The following GEMIN7 variants were observed in gnomAD, a reference collection of about 807,000 sequenced individuals.
The protein encoded by GEMIN7 is gem-associated protein 7.
In GEMIN7, 7 loss-of-function variants were observed where a neutral mutation model predicts 7.8. That is an observed-to-expected ratio of 0.90 (90% confidence interval 0.51 to 1.69). The LOEUF is 1.69. GEMIN7 is among the 40% of genes most tolerant of loss of function. The pLI, the probability that GEMIN7 is intolerant of heterozygous loss-of-function variation, is 0.00. For missense variants in GEMIN7, 159 were observed against 176.2 expected, an observed-to-expected ratio of 0.90 and a Z score of 0.55; for synonymous variants, 68 against 72.4, an observed-to-expected ratio of 0.94 and a Z score of 0.31.
chr19:45,087,738 A>G (rs1022334306), intron 2 of GEMIN7, among the ~76,000 whole-genome samples: 1 of 151,940 alleles, frequency 6.6e-6, no homozygotes, highest in African/African-American at 2.4e-5. Context: ...GAGGAGGGAT[A>G]TGATCTGACT....
At chr19:45,084,093 C>A (rs1181840818) in intron 2 of GEMIN7, among the ~76,000 whole-genome samples, 2 of 151,582 alleles carry the variant, frequency 1.3e-5, no homozygotes, top group Non-Finnish European at 2.9e-5. Flanking sequence ...CACCTGTAAT[C>A]CCAGCTACTT....
chr19:45,080,768 T>TG (rs1258362508), intron 2 of GEMIN7, among the ~76,000 whole-genome samples: 4 of 149,384 alleles, frequency 2.7e-5, no homozygotes, highest in Admixed American at 2.7e-4. Context: ...GTTTTTTGTT[T>TG]TTTTTTTTTT....
intron 2 of GEMIN7, among the ~76,000 whole-genome samples, chr19:45,087,033 G>C (rs888182876): frequency 6.6e-6 from 1 of 152,010 alleles, no homozygotes; most frequent in African/African-American, 2.4e-5. Flanking sequence ...TCTTAGTAGA[G>C]ACGGGGTTTC....
chr19:45,076,456 C>G, upstream of GEMIN7: 2 of 1,060,510 alleles, frequency 1.9e-6, no homozygotes, highest in East Asian at 3.5e-5. The surrounding 1 kb of genome is among the most constrained non-coding windows in gnomAD (Gnocchi z 4.9). Context: ...ACGCGCGGAC[C>G]GTGCGCGCTC....
chr19:45,081,456 TA>T (rs770031956), intron 2 of GEMIN7, among the ~76,000 whole-genome samples: 2,656 of 130,892 alleles, frequency 0.02, 25 homozygotes, highest in African/African-American at 0.041. Flanking sequence ...GACTCCGTCT[TA>T]AAAAAAAAAA....
At chr19:45,090,003 A>C in intron 2 of GEMIN7, 104 bp from the exon 3 acceptor site, 1 of 1,194,206 alleles carries the variant, frequency 8.4e-7, no homozygotes. Context: ...GGGCAGGTGC[A>C]GTGGAGCTGC....
At chr19:45,081,861 G>C (rs1465596668) in intron 2 of GEMIN7, among the ~76,000 whole-genome samples, 4 of 152,048 alleles carry the variant, frequency 2.6e-5, no homozygotes, top group Non-Finnish European at 5.9e-5. Flanking sequence ...GACCTCAGGC[G>C]ATCTACCCAC....
At chr19:45,087,164 GAT>G (rs1034227462) in intron 2 of GEMIN7, among the ~76,000 whole-genome samples, 13 of 149,028 alleles carry the variant, frequency 8.7e-5, no homozygotes, top group African/African-American at 3.2e-4. Flanking sequence ...TTGTTTTTGA[GAT>G]AGAGTATTGC....
At chr19:45,078,167 C>T (rs1382271256), upstream of GEMIN7, among the ~76,000 whole-genome samples, 3 of 144,624 alleles carry the variant, frequency 2.1e-5, no homozygotes, top group African/African-American at 5.2e-5. Context: ...AGTGGCACGA[C>T]CTCAGCTCAC....
chr19:45,083,535 G>A (rs374243088), intron 2 of GEMIN7, among the ~76,000 whole-genome samples: 31 of 151,658 alleles, frequency 2.0e-4, no homozygotes, highest in South Asian at 6.3e-4. Flanking sequence ...TGCAGAGTGG[G>A]TGATGAGGTT....
chr19:45,075,834 T>G (rs535503707), upstream of GEMIN7: 6 of 1,613,804 alleles, frequency 3.7e-6, no homozygotes, highest in South Asian at 5.5e-5. Context: ...TCAACAGATC[T>G]GGGTGTTTGT....
chr19:45,086,482 A>G (rs1001589249), intron 2 of GEMIN7, among the ~76,000 whole-genome samples: 1 of 152,114 alleles, frequency 6.6e-6, no homozygotes, highest in African/African-American at 2.4e-5. Context: ...ATACACATTC[A>G]ACATCATAGC....
intron 2 of GEMIN7, among the ~76,000 whole-genome samples, chr19:45,081,925 G>A (rs1240893287): frequency 6.6e-6 from 1 of 151,884 alleles, no homozygotes; most frequent in Non-Finnish European, 1.5e-5. Context: ...GCCCAGCCTC[G>A]ACCTTTCAAA....
intron 2 of GEMIN7, among the ~76,000 whole-genome samples, chr19:45,087,901 GAATA>G (rs1055108967): frequency 3.6e-4 from 54 of 151,554 alleles, no homozygotes; most frequent in Non-Finnish European, 6.8e-4. Context: ...GTTAGGTTGT[GAATA>G]AATAAATATG....
At chr19:45,088,507 A>T (rs900710766) in intron 2 of GEMIN7, 1 of 151,528 alleles carries the variant, frequency 6.6e-6, no homozygotes, top group Non-Finnish European at 1.5e-5. Context: ...TTTTATTTTT[A>T]GTAGAGACGA....
intron 2 of GEMIN7, among the ~76,000 whole-genome samples, chr19:45,085,017 C>T (rs1343901372): frequency 1.3e-5 from 2 of 152,230 alleles, no homozygotes. Flanking sequence ...AGGTGATCCG[C>T]CCACCTCGGC....
Position 45,090,230 on chromosome 19 carries a change from C to T in GEMIN7, c.116C>T (p.Pro39Leu), listed in dbSNP as rs535951099. The change falls in exon 3 of 3, where the codon CCT (proline) becomes CTT (leucine). Residue 39 changes from proline to leucine, a missense_variant. Physicochemically the swap from Pro to Leu is moderately conservative, Grantham distance 98. Coordinates refer to ENST00000270257, the MANE Select transcript of GEMIN7 (RefSeq NM_024707.3). ...GRRAPLRPEV[P>L]EIQECPIAQE... ...AGAGCCCCCTTGAGGCCAGAGGTTC[C>T]TGAAATCCAGGAGTGTCCCATAGCT... 27 of 1,614,100 alleles carry T rather than the reference C, an allele frequency of 1.7e-5. No individual in the cohort carries two copies. The highest frequency in any genetic ancestry group is 2.2e-5 in the Non-Finnish European group (26 of 1,180,060).
rs199542404 is a variant in GEMIN7, at chr19:45,080,758, G to GTTTTTTTTTTTTTTTTTTTTTT, written c.-9+735_-9+736insTTTTTTTTTTTTTTTTTTTTTT. Among the ~76,000 whole-genome samples the GTTTTTTTTTTTTTTTTTTTTTT allele has an allele frequency of 2.5e-5, 3 of 121,334 alleles. 1 individual carries two copies. The highest frequency in any genetic ancestry group is 1.7e-5 in the Non-Finnish European group (1 of 59,538). The allele number at this position is 121,334 out of a possible 152,430, so 79.6% of individuals were successfully genotyped here. A position where few individuals can be genotyped will look rare whatever the true frequency, so the allele number is the denominator to read the frequency against. ...GCATCAATATGACCAAATCTCCCTT[G>GTTTTTTTTTTTTTTTTTTTTTT]TTTTTTGTTTTTTTTTTTTTTTTTC... On this transcript the variant is annotated intron_variant, in intron 2 of 2. Coordinates refer to ENST00000270257, the MANE Select transcript of GEMIN7 (RefSeq NM_024707.3).
At chr19:45,078,820 A>C (rs1967408798), upstream of GEMIN7, among the ~76,000 whole-genome samples, 1 of 152,196 alleles carries the variant, frequency 6.6e-6, no homozygotes, top group South Asian at 2.1e-4. Context: ...GCTGGAGGAC[A>C]AAATGACCGC....
Sources: allele counts gnomAD v4.1 joint callset (sites outside exome capture counted in the v4.1 genomes callset), GRCh38; gene constraint gnomAD v4.1.1; non-coding constraint Gnocchi (gnomAD v3.1); transcripts MANE v1.5; gene names NCBI Gene and HGNC (gene_info 2026-07-23, HGNC 2026-07-21).